STK32B: variants seen among roughly 807,000 people sequenced by gnomAD.
The protein encoded by STK32B is serine/threonine kinase 32B.
Under a neutral mutation model 52.6 loss-of-function variants are expected in STK32B, and 43 were observed. The ratio of observed to expected loss-of-function variants is 0.82; its 90% CI spans 0.64 to 1.05. The LOEUF (loss-of-function observed/expected upper bound fraction) is 1.05, where lower values mean the gene tolerates loss of function less well. Ranked by LOEUF, STK32B falls within the 50% of genes least tolerant of loss-of-function variation. The probability of loss-of-function intolerance (pLI) is 0.00; values close to 1 mark genes in which losing one functional copy is unlikely to be tolerated. For missense variants in STK32B, 621 were observed against 534.6 expected, an observed-to-expected ratio of 1.16 and a Z score of -1.59; for synonymous variants, 238 against 204.3, an observed-to-expected ratio of 1.17 and a Z score of -1.41.
intron 3 of STK32B, among the ~76,000 whole-genome samples, chr4:5,231,727 A>G (rs1316813817): frequency 6.6e-6 from 1 of 152,194 alleles, no homozygotes; most frequent in Non-Finnish European, 1.5e-5. Flanking sequence ...CTGATGACCA[A>G]GGGCTGAGGA....
chr4:5,046,840 A>C (rs997692881), upstream of STK32B, among the ~76,000 whole-genome samples: 8 of 152,186 alleles, frequency 5.3e-5, no homozygotes, highest in Non-Finnish European at 7.3e-5. Context: ...AAGAAACAAT[A>C]GATGCTGGTG....
intron 3 of STK32B, among the ~76,000 whole-genome samples, chr4:5,180,238 A>G (rs1720251127): frequency 1.3e-5 from 2 of 152,226 alleles, no homozygotes; most frequent in African/African-American, 4.8e-5. Context: ...GTGATTTGCA[A>G]TTCAGACTCA....
At chr4:5,168,098 A>T (rs1719029537) in intron 2 of STK32B, among the ~76,000 whole-genome samples, 2 of 152,172 alleles carry the variant, frequency 1.3e-5, no homozygotes, top group South Asian at 4.1e-4. Context: ...TCAATGTTTA[A>T]TAAATGGATG....
At chr4:5,070,491 A>T (rs2108766601) in intron 1 of STK32B, among the ~76,000 whole-genome samples, 1 of 152,278 alleles carries the variant, frequency 6.6e-6, no homozygotes, top group South Asian at 2.1e-4. Flanking sequence ...AAGTCCTTGG[A>T]TGCCTAATGC....
intron 11 of STK32B, among the ~76,000 whole-genome samples, chr4:5,473,523 C>T (rs758141518): frequency 3.9e-4 from 59 of 152,314 alleles, no homozygotes; most frequent in Non-Finnish European, 5.9e-4. Flanking sequence ...ATTAAGGGCA[C>T]ACAGCCAAGA....
intron 4 of STK32B, among the ~76,000 whole-genome samples, chr4:5,365,894 G>A (rs188731054): frequency 7.1e-4 from 108 of 152,272 alleles, no homozygotes; most frequent in Middle Eastern, 3.4e-3. Flanking sequence ...ATTTTAAAGG[G>A]CAGCGTGAGA....
chr4:5,312,904 C>T (rs535781614), intron 3 of STK32B, among the ~76,000 whole-genome samples: 12 of 152,146 alleles, frequency 7.9e-5, no homozygotes, highest in African/African-American at 2.9e-4. Flanking sequence ...TACAGTCCCA[C>T]CAACAGTGTA....
intron 6 of STK32B, among the ~76,000 whole-genome samples, chr4:5,425,214 G>C (rs1712991198): frequency 6.6e-6 from 1 of 152,258 alleles, no homozygotes; most frequent in Admixed American, 6.5e-5. Context: ...CAAGTGAGCA[G>C]AATGAGCCAT....
At chr4:5,490,512 C>G (rs898782466) in intron 11 of STK32B, among the ~76,000 whole-genome samples, 3 of 152,040 alleles carry the variant, frequency 2.0e-5, no homozygotes, top group Non-Finnish European at 4.4e-5. Context: ...TAAATTATGT[C>G]AGGAGGCCTA....
At chr4:5,244,746 G>A (rs183563072) in intron 3 of STK32B, among the ~76,000 whole-genome samples, 4 of 151,990 alleles carry the variant, frequency 2.6e-5, no homozygotes, top group Non-Finnish European at 5.9e-5. Flanking sequence ...ACACTGCTTT[G>A]AATGTGTCCC....
intron 1 of STK32B, among the ~76,000 whole-genome samples, chr4:5,124,321 C>G (rs1331075812): frequency 6.6e-6 from 1 of 152,210 alleles, no homozygotes; most frequent in African/African-American, 2.4e-5. Flanking sequence ...TCTGTAAAAC[C>G]ATCGGCATTT....
chr4:5,054,925 G>A (rs185620649), intron 1 of STK32B, among the ~76,000 whole-genome samples: 2 of 152,284 alleles, frequency 1.3e-5, no homozygotes, highest in East Asian at 1.9e-4. Context: ...TATATAATAA[G>A]CAGAGAAAGG....
intron 1 of STK32B, among the ~76,000 whole-genome samples, chr4:5,115,630 T>C (rs965835576): frequency 2.6e-5 from 4 of 151,118 alleles, no homozygotes; most frequent in Admixed American, 1.3e-4. Context: ...CCAGTCCCAG[T>C]GCAGAGAAGC....
intron 6 of STK32B, among the ~76,000 whole-genome samples, chr4:5,423,894 G>T (rs546781945): frequency 4.6e-5 from 7 of 152,142 alleles, no homozygotes; most frequent in African/African-American, 1.7e-4. Context: ...TGGAAGCCCC[G>T]CCGCCCCCTT....
chr4:5,465,668 CAAT>C (rs1386840769), intron 9 of STK32B, among the ~76,000 whole-genome samples: 1 of 152,134 alleles, frequency 6.6e-6, no homozygotes, highest in Non-Finnish European at 1.5e-5. Context: ...CCATATTTCA[CAAT>C]GATGAGGAAA....
chr4:5,294,935 G>C (rs962320181), intron 3 of STK32B, among the ~76,000 whole-genome samples: 5 of 152,086 alleles, frequency 3.3e-5, no homozygotes, highest in African/African-American at 4.8e-5. Context: ...TCATTATTTT[G>C]AGATAGGTTC....
chr4:5,168,307 C>A lies in STK32B; in HGVS notation c.117C>A (p.Ile39=), dbSNP rs756490518. 6.2e-7 allele frequency: 1 copy of A among 1,613,468 alleles called. No individual in the cohort carries two copies. The highest frequency in any genetic ancestry group is 1.7e-5 in the Admixed American group (1 of 59,992). Reference sequence around the variant, plus strand: ...CTTTGGCTGTCGCTCAGGTATGCATCGTGCAGAAGCGAGACACTAAGAAAA... The same window carrying A: ...CTTTGGCTGTCGCTCAGGTATGCATAGTGCAGAAGCGAGACACTAAGAAAA... The part of the protein sequence containing the change: ...IGKGSFGKVC[I]VQKRDTKKMY... Residue 39 remains isoleucine (I), a synonymous_variant, in exon 3 of 12, where the codon ATC becomes ATA. Coordinates refer to ENST00000282908, the MANE Select transcript of STK32B (RefSeq NM_018401.3).
chr4:5,259,921 TG>T (rs1053054530), intron 3 of STK32B, among the ~76,000 whole-genome samples: 14 of 151,934 alleles, frequency 9.2e-5, no homozygotes, highest in Admixed American at 7.2e-4. Context: ...GAACAAGACC[TG>T]GGGGTGTGGT....
At chr4:5,491,092 A>G (rs76775100) in intron 11 of STK32B, among the ~76,000 whole-genome samples, 52,945 of 152,092 alleles carry the variant, frequency 0.35, 10,049 homozygotes, top group Non-Finnish European at 0.43. Context: ...TATACCCAGT[A>G]ATGGGATGGC....
Sources: allele counts gnomAD v4.1 joint callset (sites outside exome capture counted in the v4.1 genomes callset), GRCh38; gene constraint gnomAD v4.1.1; transcripts MANE v1.5; gene names NCBI Gene and HGNC (gene_info 2026-07-23, HGNC 2026-07-21).